DACH1: variants seen among roughly 807,000 people sequenced by gnomAD.
DACH1 encodes the protein dachshund homolog 1.
DACH1 carries 12 observed loss-of-function variants against 54.2 expected under a neutral mutation model. The observed-to-expected ratio is 0.22, with a 90% CI of 0.14 to 0.36. The LOEUF (loss-of-function observed/expected upper bound fraction) is 0.36, where lower values mean the gene tolerates loss of function less well. Among genes scored for constraint, DACH1 ranks in the 10% least tolerant of loss-of-function variants. The pLI, the probability that DACH1 is intolerant of heterozygous loss-of-function variation, is 1.00. For synonymous variants in DACH1, 386 were observed against 366.2 expected (o/e 1.05, Z -0.62); for missense variants, 805 against 929.8 (o/e 0.87, Z 1.75).
intron 1 of DACH1, among the ~76,000 whole-genome samples, chr13:71,792,741 A>G (rs1164163083): frequency 6.6e-6 from 1 of 152,104 alleles, no homozygotes; most frequent in Non-Finnish European, 1.5e-5. Context: ...ATTCGACTTT[A>G]TCTAGCCCTA....
chr13:71,735,707 TAA>T (rs1884083634), intron 1 of DACH1, among the ~76,000 whole-genome samples: 1 of 151,906 alleles, frequency 6.6e-6, no homozygotes, highest in African/African-American at 2.4e-5. Context: ...TTAGATGGGT[TAA>T]GATTCTTCAC....
At chr13:71,446,974 G>A (rs561099055) in intron 10 of DACH1, among the ~76,000 whole-genome samples, 2 of 152,188 alleles carry the variant, frequency 1.3e-5, no homozygotes, top group Non-Finnish European at 2.9e-5. Context: ...CTAATTAAAA[G>A]CATTTGGGAG....
chr13:71,713,560 T>G (rs1233575590), intron 1 of DACH1, among the ~76,000 whole-genome samples: 1 of 152,182 alleles, frequency 6.6e-6, no homozygotes, highest in East Asian at 1.9e-4. Flanking sequence ...TTAGTCATTT[T>G]ATTAAATTCT....
chr13:71,866,448 G>A lies in DACH1; in HGVS notation c.322C>T (p.Leu108=), dbSNP rs772273600. 1 of 1,372,424 alleles carries A rather than the reference G, an allele frequency of 7.3e-7. No individual in the cohort carries two copies. The highest frequency in any genetic ancestry group is 9.5e-7 in the Non-Finnish European group (1 of 1,054,488). The allele number at this position is 1,372,424 out of a possible 1,614,324, so 85.0% of individuals were successfully genotyped here. ...CCGCTGCCGTTGCTCGCGGCCGCCA[G>A]GTTGGGGTTGCAGTTGCTGCCACCG... ...GGGGSNCNPN[L]AAASNGSGGG... The change falls in exon 1 of 11, where the codon CTG becomes TTG. Residue 108 remains leucine (L), a synonymous_variant. Coordinates refer to ENST00000613252, the MANE Select transcript of DACH1 (RefSeq NM_080759.6).
At chr13:71,562,072 T>C (rs1278030755) in intron 4 of DACH1, among the ~76,000 whole-genome samples, 2 of 152,258 alleles carry the variant, frequency 1.3e-5, no homozygotes, top group East Asian at 3.9e-4. Context: ...TATTACAATC[T>C]TGTCGTAATG....
chr13:71,746,663 A>AAAAC (rs1884614064), intron 1 of DACH1, among the ~76,000 whole-genome samples: 1 of 151,988 alleles, frequency 6.6e-6, no homozygotes, highest in Non-Finnish European at 1.5e-5. Context: ...AAACAAACAA[A>AAAAC]AAACCTCCAC....
intron 1 of DACH1, among the ~76,000 whole-genome samples, chr13:71,767,770 A>C (rs1027448877): frequency 6.6e-6 from 1 of 152,054 alleles, no homozygotes; most frequent in African/African-American, 2.4e-5. Flanking sequence ...CTAATCCATA[A>C]ACCATTTTCT....
chr13:71,814,121 G>C (rs529472501), intron 1 of DACH1, among the ~76,000 whole-genome samples: 1 of 152,172 alleles, frequency 6.6e-6, no homozygotes, highest in African/African-American at 2.4e-5. Context: ...AAATAAAAAC[G>C]TAAAAACTTT....
In DACH1 at chr13:71,705,748, GTCTT is replaced by G. The variant is rs1353948008; in HGVS notation, c.849-23842_849-23839del. Among the ~76,000 whole-genome samples the G allele has an allele frequency of 9.2e-5, 14 of 151,878 alleles. No homozygotes were observed. The South Asian group carries it at 2.3e-3, about 25-fold the overall frequency. ...TACCACTTAGATCTCTATATGAAAA[GTCTT>G]TCTTTTTTTTTTTAGAATCAAGTAA... On this transcript the variant is annotated intron_variant, in intron 1 of 10. Coordinates refer to ENST00000613252, the MANE Select transcript of DACH1 (RefSeq NM_080759.6).
intron 10 of DACH1, among the ~76,000 whole-genome samples, chr13:71,470,504 T>C (rs1459481294): frequency 6.6e-6 from 1 of 151,994 alleles, no homozygotes. Context: ...ATTTCTTACA[T>C]TTTTAGTGGA....
At chr13:71,825,363 AATG>A (rs1888339263) in intron 1 of DACH1, among the ~76,000 whole-genome samples, 1 of 152,244 alleles carries the variant, frequency 6.6e-6, no homozygotes, top group East Asian at 1.9e-4. Context: ...TATGCAATTC[AATG>A]ATGTTAGTAT....
At chr13:71,739,120 T>C (rs2137941666) in intron 1 of DACH1, among the ~76,000 whole-genome samples, 1 of 151,966 alleles carries the variant, frequency 6.6e-6, no homozygotes, top group East Asian at 1.9e-4. Context: ...GCCGTAGTGG[T>C]GAATGCCTGT....
At chr13:71,661,359 A>G (rs1265972033) in intron 2 of DACH1, among the ~76,000 whole-genome samples, 5 of 151,790 alleles carry the variant, frequency 3.3e-5, no homozygotes, top group Non-Finnish European at 7.4e-5. Context: ...CAAAGGACAA[A>G]TTAAAGTAGC....
rs558392605 is a variant in DACH1 at position 71,592,048 on chromosome 13, T to G, written c.1127-19036A>C. Among the ~76,000 whole-genome samples, 7 of 152,228 alleles carry G rather than the reference T, an allele frequency of 4.6e-5. No homozygotes were observed. The East Asian group carries it at 1.4e-3, about 29-fold the overall frequency. ...GACAAACTACAGAAATTAGTAAAAG[T>G]TAGGTGTGGCTGTCCATATTACCTT... On this transcript the variant is annotated intron_variant, in intron 3 of 10. Transcript: ENST00000613252.
At chr13:71,474,727 C>A (rs1877367215) in intron 10 of DACH1, among the ~76,000 whole-genome samples, 1 of 152,098 alleles carries the variant, frequency 6.6e-6, no homozygotes, top group Non-Finnish European at 1.5e-5. Flanking sequence ...AGGTACCTTG[C>A]AGTAACTGTC....
At chr13:71,616,180 C>T (rs752558830) in intron 3 of DACH1, among the ~76,000 whole-genome samples, 1 of 152,104 alleles carries the variant, frequency 6.6e-6, no homozygotes, top group Non-Finnish European at 1.5e-5. Flanking sequence ...CATGTTTTGG[C>T]TCTCTCTCTC....
chr13:71,740,783 A>T (rs1217674536), intron 1 of DACH1, among the ~76,000 whole-genome samples: 1 of 152,182 alleles, frequency 6.6e-6, no homozygotes, highest in Non-Finnish European at 1.5e-5. Flanking sequence ...TATTTTGAAC[A>T]TGTTATCACA....
chr13:71,622,822 G>A (rs1297231893), intron 3 of DACH1, among the ~76,000 whole-genome samples: 1 of 151,590 alleles, frequency 6.6e-6, no homozygotes, highest in African/African-American at 2.4e-5. Flanking sequence ...TTCCTAATAT[G>A]ATATGCTTGA....
intron 2 of DACH1, among the ~76,000 whole-genome samples, chr13:71,642,718 G>A (rs1435773587): frequency 1.3e-5 from 2 of 151,966 alleles, no homozygotes; most frequent in Non-Finnish European, 2.9e-5. Flanking sequence ...CCCATGGATT[G>A]GTTTAAAAAT....
Sources: allele counts gnomAD v4.1 joint callset (sites outside exome capture counted in the v4.1 genomes callset), GRCh38; gene constraint gnomAD v4.1.1; transcripts MANE v1.5; gene names NCBI Gene and HGNC (gene_info 2026-07-23, HGNC 2026-07-21).